LAPTM4B: variants seen among roughly 807,000 people sequenced by gnomAD.
The protein encoded by LAPTM4B is lysosomal-associated transmembrane protein 4B.
LAPTM4B carries 26 observed loss-of-function variants against 28.5 expected under a neutral mutation model. That is an observed-to-expected ratio of 0.91 (90% CI 0.67 to 1.27). The LOEUF (loss-of-function observed/expected upper bound fraction) is 1.27, where lower values mean the gene tolerates loss of function less well. LAPTM4B is among the 50% of genes most tolerant of loss of function. The pLI is 0.00. For missense variants in LAPTM4B, 288 were observed against 285.8 expected (o/e 1.01, Z -0.06); for synonymous variants, 109 against 106.4 (o/e 1.02, Z -0.15).
chr8:97,801,936 G>A (rs549431218), intron 1 of LAPTM4B, among the ~76,000 whole-genome samples: 1 of 152,026 alleles, frequency 6.6e-6, no homozygotes, highest in East Asian at 1.9e-4. Context: ...CTTAATGCCA[G>A]TTGTGGGACT....
At chr8:97,839,972 G>A (rs943227349) in intron 6 of LAPTM4B, among the ~76,000 whole-genome samples, 7 of 152,188 alleles carry the variant, frequency 4.6e-5, no homozygotes, top group Non-Finnish European at 1.0e-4. Flanking sequence ...AGCAGTCCCT[G>A]CATCCCTCCT....
Position 97,825,146 on chromosome 8 carries a change from A to G in LAPTM4B, c.596A>G (p.Asp199Gly), listed in dbSNP as rs369740304. Residue 199 changes from aspartate to glycine, a missense_variant, in exon 6 of 7, where the codon GAC (aspartate) becomes GGC (glycine). Coordinates refer to ENST00000521545, the MANE Select transcript of LAPTM4B (RefSeq NM_018407.6). ...GTCCTGGTTTATGTTACCAGCAATGACACTACGGTAGGTATGATGTCACTT... is the reference window on the plus strand; with the variant it reads ...GTCCTGGTTTATGTTACCAGCAATGGCACTACGGTAGGTATGATGTCACTT... ...SDVLVYVTSN[D>G]TTVLLPPYDD... 1.1e-5 allele frequency: 18 copies of G among 1,566,028 alleles called. No individual in the cohort carries two copies. Among genetic ancestry groups the G allele is most frequent in the East Asian group, 2.2e-5 (1 of 44,582 alleles).
At chr8:97,826,725 T>C (rs947758343) in intron 6 of LAPTM4B, among the ~76,000 whole-genome samples, 6 of 152,142 alleles carry the variant, frequency 3.9e-5, no homozygotes, top group Non-Finnish European at 8.8e-5. Context: ...GCCAGATTGG[T>C]CTCGAACTCC....
intron 1 of LAPTM4B, among the ~76,000 whole-genome samples, chr8:97,788,901 G>T (rs1262200045): frequency 1.3e-5 from 2 of 151,750 alleles, no homozygotes; most frequent in Non-Finnish European, 2.9e-5. Context: ...TCACCATGTT[G>T]ACCAGGTTGG....
intron 3 of LAPTM4B, 103 bp from the exon 4 acceptor site, chr8:97,815,955 A>C: frequency 8.3e-7 from 1 of 1,201,886 alleles, no homozygotes. Flanking sequence ...AATGAATTCC[A>C]ATTTTTCCAT....
chr8:97,849,952 G>A (rs1043957334), intron 6 of LAPTM4B, among the ~76,000 whole-genome samples: 16 of 150,858 alleles, frequency 1.1e-4, no homozygotes, highest in Non-Finnish European at 1.3e-4. Context: ...CGTGGCTCCC[G>A]GGAACGGCTT....
intron 6 of LAPTM4B, among the ~76,000 whole-genome samples, chr8:97,834,144 G>GAAAAAACAAAAAAAAAAAAAAAAAAAAAA (rs1817225021): frequency 1.3e-5 from 1 of 75,344 alleles, no homozygotes; most frequent in Non-Finnish European, 3.0e-5. Context: ...TGTCTCTACA[G>GAAAAAACAAAAAAAAAAAAAAAAAAAAAA]AAAAAAAAAA....
At chr8:97,846,011 C>T (rs1224305879) in intron 6 of LAPTM4B, among the ~76,000 whole-genome samples, 5 of 149,214 alleles carry the variant, frequency 3.4e-5, no homozygotes, top group Non-Finnish European at 5.9e-5. Context: ...ACCTTAGCCT[C>T]CTAAGGCTAA....
chr8:97,824,322 T>G (rs1817058695), intron 5 of LAPTM4B, among the ~76,000 whole-genome samples: 1 of 152,176 alleles, frequency 6.6e-6, no homozygotes, highest in Non-Finnish European at 1.5e-5. Flanking sequence ...TTCCTGGATT[T>G]TAGCAATCTA....
Position 97,819,100 on chromosome 8 carries a change from GA to G in LAPTM4B, c.409-39del, listed in dbSNP as rs748237459. On this transcript the variant is annotated intron_variant, in intron 4 of 6. Coordinates refer to ENST00000521545, the MANE Select transcript of LAPTM4B (RefSeq NM_018407.6). The stretch of plus-strand genomic sequence containing the variant: ...GTGCCCAAGGAATACTGTCTGGAAT[GA>G]TTAATGAGATTTGCTAATGAGGCCC... The G allele has an allele frequency of 1.8e-5, 22 of 1,201,854 alleles. No homozygotes were observed. The African/African-American group carries it at 3.2e-4, about 17-fold the overall frequency. 74.4% of individuals were successfully genotyped at this position (1,201,854 alleles called of 1,614,324 possible). A position where few individuals can be genotyped will look rare whatever the true frequency, so the allele number is the denominator to read the frequency against.
chr8:97,849,897 G>A (rs972135341), intron 6 of LAPTM4B, among the ~76,000 whole-genome samples: 8 of 149,014 alleles, frequency 5.4e-5, no homozygotes, highest in African/African-American at 1.8e-4. Context: ...CAGTGCGAGC[G>A]GAGACAGCGG....
chr8:97,826,061 C>T (rs11994374), intron 6 of LAPTM4B, among the ~76,000 whole-genome samples: 4,322 of 152,140 alleles, frequency 0.028, 206 homozygotes, highest in African/African-American at 0.099. Flanking sequence ...CTGACCTTAC[C>T]GAAATAATCC....
intron 1 of LAPTM4B, among the ~76,000 whole-genome samples, chr8:97,792,809 C>T (rs559165728): frequency 6.6e-6 from 1 of 152,078 alleles, no homozygotes; most frequent in African/African-American, 2.4e-5. Flanking sequence ...AACTCCTGAC[C>T]TCAAGTGATC....
intron 4 of LAPTM4B, among the ~76,000 whole-genome samples, chr8:97,817,851 A>G (rs1816946218): frequency 6.6e-6 from 1 of 151,954 alleles, no homozygotes; most frequent in Non-Finnish European, 1.5e-5. Flanking sequence ...TGGCCTCCCA[A>G]AGTGCTGAGA....
At chr8:97,776,129 C>G (rs1816208907) in intron 1 of LAPTM4B, 21 bp downstream of exon 1, 1 of 1,487,894 alleles carries the variant, frequency 6.7e-7, no homozygotes, top group East Asian at 2.6e-5. Flanking sequence ...CGCGCCCGGC[C>G]CGGGACCCTG....
chr8:97,786,164 A>G (rs1370988453), intron 1 of LAPTM4B, among the ~76,000 whole-genome samples: 1 of 152,186 alleles, frequency 6.6e-6, no homozygotes, highest in East Asian at 1.9e-4. Context: ...GACTCTTAGT[A>G]GAGCTTTTGG....
chr8:97,829,008 G>A (rs559876519), intron 6 of LAPTM4B, among the ~76,000 whole-genome samples: 101 of 152,314 alleles, frequency 6.6e-4, no homozygotes, highest in Non-Finnish European at 7.2e-4. Context: ...GGCACATGTA[G>A]GTGGAAGAGC....
chr8:97,810,709 G>A (rs946834295), intron 2 of LAPTM4B, among the ~76,000 whole-genome samples: 1 of 152,180 alleles, frequency 6.6e-6, no homozygotes, highest in Non-Finnish European at 1.5e-5. Context: ...ATAACATCAA[G>A]TGTCTGTACT....
intron 1 of LAPTM4B, among the ~76,000 whole-genome samples, chr8:97,777,795 A>C (rs984676193): frequency 6.6e-6 from 1 of 152,248 alleles, no homozygotes; most frequent in Non-Finnish European, 1.5e-5. Context: ...GAAATTCTTT[A>C]CTGAAATTGA....
Sources: gnomAD v4.1 joint callset for allele counts (sites outside exome capture counted in the v4.1 genomes callset) on GRCh38, gnomAD v4.1.1 for gene constraint, MANE v1.5 for transcripts, NCBI Gene and HGNC (gene_info 2026-07-23, HGNC 2026-07-21) for gene names.